Variants in SLC1A4 observed in about 807,000 individuals in gnomAD.
The protein encoded by SLC1A4 is neutral amino acid transporter A.
Under a neutral mutation model 37.7 loss-of-function variants are expected in SLC1A4, and 19 were observed. That is an observed-to-expected ratio of 0.50 (90% CI 0.35 to 0.74). The LOEUF is 0.74. SLC1A4 is among the 30% of genes least tolerant of loss of function. The pLI is 0.01. For missense variants in SLC1A4, 570 were observed against 712.9 expected (o/e 0.80, Z 2.28); for synonymous variants, 299 against 309.8 (o/e 0.97, Z 0.37).
At chr2:64,995,349 G>C (rs940402813) in intron 1 of SLC1A4, among the ~76,000 whole-genome samples, 10 of 152,220 alleles carry the variant, frequency 6.6e-5, no homozygotes, top group African/African-American at 2.2e-4. Flanking sequence ...AGGATTAAAT[G>C]AGTTAATATA....
chr2:64,998,028 T>C (rs985965071), intron 1 of SLC1A4, among the ~76,000 whole-genome samples: 1 of 151,894 alleles, frequency 6.6e-6, no homozygotes, highest in African/African-American at 2.4e-5. Flanking sequence ...GGTCAGGAGA[T>C]TGAGATCATC....
rs759088387 is a variant in SLC1A4, at chr2:65,003,934, T to C, written c.571-19T>C. 2 of 1,612,704 alleles carry C rather than the reference T, an allele frequency of 1.2e-6. No individual in the cohort carries two copies. Among genetic ancestry groups the C allele is most frequent in the Middle Eastern group, 1.7e-4 (1 of 6,056 alleles). On this transcript the variant is annotated intron_variant, in intron 2 of 7. Transcript: ENST00000234256. Reference sequence around the variant, plus strand: ...CACCTGTGCACTAACAGTGGGTTTTTTTTTCCTCTTGATCACAGTATGCAA... The same window carrying C: ...CACCTGTGCACTAACAGTGGGTTTTCTTTTCCTCTTGATCACAGTATGCAA...
chr2:65,003,126 A>G (rs1198894994), intron 2 of SLC1A4, among the ~76,000 whole-genome samples: 2 of 152,144 alleles, frequency 1.3e-5, no homozygotes, highest in African/African-American at 4.8e-5. Context: ...TTGTTTGAAC[A>G]CCTCTGCCTT....
rs902509014 is a variant in SLC1A4 at position 65,023,683 on chromosome 2, G to A, written c.*2537G>A. Reference sequence around the variant, plus strand: ...TTCAGTCCACAGAGTCGGTAGACCAGGGGTTACGTGACTGGGGAAAATCTC... The same window carrying A: ...TTCAGTCCACAGAGTCGGTAGACCAAGGGTTACGTGACTGGGGAAAATCTC... On this transcript the variant is annotated 3_prime_UTR_variant, in exon 8 of 8. Transcript: ENST00000234256. 1 of 152,626 alleles carries A rather than the reference G, an allele frequency of 6.6e-6. No individual in the cohort carries two copies. Among genetic ancestry groups the A allele is most frequent in the Non-Finnish European group, 1.5e-5 (1 of 68,042 alleles). The allele number at this position is 152,626 out of a possible 1,614,324, so 9.5% of individuals were successfully genotyped here.
At chr2:65,011,230 A>T (rs1673905352) in intron 4 of SLC1A4, 1 of 153,050 alleles carries the variant, frequency 6.5e-6, no homozygotes, top group African/African-American at 2.4e-5. Context: ...GTCCATTTTC[A>T]CCCCATGCAT....
intron 1 of SLC1A4, chr2:65,000,975 G>A (rs1673434531): frequency 6.5e-6 from 1 of 152,718 alleles, no homozygotes; most frequent in South Asian, 2.1e-4. Flanking sequence ...CCACTGCAAT[G>A]GTGCCTAACC....
At chr2:65,020,862 C>G (rs779274084) in intron 7 of SLC1A4, 50 bp from the exon 8 acceptor site, 2 of 1,499,684 alleles carry the variant, frequency 1.3e-6, no homozygotes, top group East Asian at 4.5e-5. Context: ...TGTGACAGGA[C>G]CCGATCGCCC....
At chr2:65,020,663 C>T (rs535472409) in intron 7 of SLC1A4, among the ~76,000 whole-genome samples, 2 of 152,204 alleles carry the variant, frequency 1.3e-5, no homozygotes, top group African/African-American at 4.8e-5. Flanking sequence ...TACAGATTCA[C>T]TCAGTTGGGG....
intron 2 of SLC1A4, among the ~76,000 whole-genome samples, chr2:65,003,662 TG>T (rs1673564048): frequency 6.6e-6 from 1 of 152,218 alleles, no homozygotes. Context: ...AGCATAAAAT[TG>T]TGCAGCCGTC....
rs962316108 is a variant in SLC1A4, at chr2:65,021,204, C to T, written c.*58C>T. 6.1e-5 allele frequency: 87 copies of T among 1,417,082 alleles called. No individual in the cohort carries two copies. The South Asian group carries it at 6.3e-4, about 10-fold the overall frequency. The allele number at this position is 1,417,082 out of a possible 1,614,324, so 87.8% of individuals were successfully genotyped here. The stretch of plus-strand genomic sequence containing the variant: ...TGATGTCCCACCCTGTTCACCCAGC[C>T]GCCAGTCATGGACACAGGGCACTGC... On this transcript the variant is annotated 3_prime_UTR_variant, in exon 8 of 8. Coordinates refer to ENST00000234256, the MANE Select transcript of SLC1A4 (RefSeq NM_003038.5).
In SLC1A4 at chr2:65,018,209, G is replaced by A. The variant is rs1674242481; in HGVS notation, c.1173G>A (p.Val391=). The change falls in exon 6 of 8, where the codon GTG becomes GTA. Residue 391 remains valine (V), a synonymous_variant. Coordinates refer to ENST00000234256, the MANE Select transcript of SLC1A4 (RefSeq NM_003038.5). This position sits in a 1 kb window ranked among gnomAD's most constrained non-coding sequence, Gnocchi z 4.3. ...CCATCTTCCAGTGTGTGGCCGCGGT[G>A]TTCATTGCGCAACTCAACAACGTAG... ...GAAIFQCVAA[V]FIAQLNNVEL... is the part of the protein sequence containing the mutation. The A allele has an allele frequency of 6.2e-7, 1 of 1,614,168 alleles. No individual in the cohort carries two copies. Among genetic ancestry groups the A allele is most frequent in the Non-Finnish European group, 8.5e-7 (1 of 1,180,028 alleles).
chr2:65,001,662 T>A (rs1159527784), intron 2 of SLC1A4, among the ~76,000 whole-genome samples, 172 bp downstream of exon 2: 1 of 152,090 alleles, frequency 6.6e-6, no homozygotes, highest in African/African-American at 2.4e-5. Context: ...ACAACAACAA[T>A]AAAATAAATA....
Position 65,021,014 on chromosome 2 carries a change from T to C in SLC1A4, c.1467T>C (p.Leu489=). ...QKATKKGEQE[L]AEVKVEAIPN... is the part of the protein sequence containing the mutation. ...CAACAAAGAAAGGCGAGCAGGAACT[T>C]GCTGAGGTGAAAGTGGAAGCCATCC... The change falls in exon 8 of 8, where the codon CTT becomes CTC. Residue 489 remains leucine, a synonymous_variant. Transcript: ENST00000234256. The C allele has an allele frequency of 1.2e-6, 2 of 1,614,216 alleles. No homozygotes were observed. The highest frequency in any genetic ancestry group is 1.7e-6 in the Non-Finnish European group (2 of 1,180,038).
intron 3 of SLC1A4, among the ~76,000 whole-genome samples, chr2:65,007,701 AG>A (rs998950908): frequency 2.4e-4 from 36 of 152,378 alleles, no homozygotes; most frequent in African/African-American, 5.0e-4. Flanking sequence ...TACTGATTTA[AG>A]AAATTGAATA....
At chr2:65,013,215 A>G (rs1023062655) in intron 4 of SLC1A4, among the ~76,000 whole-genome samples, 3 of 152,022 alleles carry the variant, frequency 2.0e-5, no homozygotes, top group African/African-American at 7.2e-5. Context: ...GGACATTTGC[A>G]TTTTGTTTTG....
chr2:64,989,843 T>C lies in SLC1A4; in HGVS notation c.200T>C (p.Leu67Pro), dbSNP rs551507124. The C allele has an allele frequency of 1.3e-6, 2 of 1,538,564 alleles. No individual in the cohort carries two copies. Among genetic ancestry groups the C allele is most frequent in the East Asian group, 2.4e-5 (1 of 40,910 alleles). The change falls in exon 1 of 8, where the codon CTG (leucine) becomes CCG (proline). Residue 67 changes from leucine (L) to proline (P), a missense_variant. Physicochemically the swap from Leu to Pro is moderately conservative, Grantham distance 98 (BLOSUM62 -3). Coordinates refer to ENST00000234256, the MANE Select transcript of SLC1A4 (RefSeq NM_003038.5). The part of the protein sequence containing the change: ...GLGAALRGLS[L>P]SRTQVTYLAF... ...GGCGCGGCGTTGCGCGGGCTCAGCC[T>C]GAGCCGCACGCAGGTCACCTACCTG...
At chr2:64,994,216 A>G (rs953720026) in intron 1 of SLC1A4, among the ~76,000 whole-genome samples, 2 of 152,388 alleles carry the variant, frequency 1.3e-5, no homozygotes, top group Admixed American at 1.3e-4. Flanking sequence ...AGAAGTCCCC[A>G]CAGATTCTCA....
In SLC1A4 at chr2:65,016,472, G is replaced by A; in HGVS notation, c.833G>A (p.Gly278Glu). The A allele has an allele frequency of 6.2e-7, 1 of 1,614,178 alleles. No homozygotes were observed. ...CCTGTGGGCATCATGTTCCTTGTTG[G>A]AAGCAAGATCGTGGAAATGAAAGAC... ...YVPVGIMFLV[G>E]SKIVEMKDII... is the part of the protein sequence containing the mutation. The change falls in exon 5 of 8, where the codon GGA (glycine) becomes GAA (glutamate). Residue 278 changes from glycine to glutamate, a missense_variant. Physicochemically the swap from Gly to Glu is moderately conservative, Grantham distance 98 (BLOSUM62 -2). Transcript: ENST00000234256.
intron 7 of SLC1A4, among the ~76,000 whole-genome samples, chr2:65,020,513 C>CA (rs1403164774): frequency 6.6e-6 from 1 of 152,184 alleles, no homozygotes; most frequent in African/African-American, 2.4e-5. Context: ...ACAGTCCTCC[C>CA]ACCTCAGCCT....
Sources: gnomAD v4.1 joint callset for allele counts (sites outside exome capture counted in the v4.1 genomes callset) on GRCh38, gnomAD v4.1.1 for gene constraint, Gnocchi (gnomAD v3.1) non-coding constraint, MANE v1.5 for transcripts, NCBI Gene and HGNC (gene_info 2026-07-23, HGNC 2026-07-21) for gene names.